The following PACC1 variants were observed in gnomAD, a reference collection of about 807,000 sequenced individuals.
PACC1 encodes proton-activated chloride channel.
A neutral mutation model predicts 39.7 loss-of-function variants in PACC1; 34 were observed. The ratio of observed to expected loss-of-function variants is 0.86; its 90% CI spans 0.65 to 1.14. PACC1 has a LOEUF of 1.14. Among genes scored for constraint, PACC1 ranks in the 50% most tolerant of loss-of-function variants. The pLI is 0.00. For synonymous variants in PACC1, 127 were observed against 160.6 expected, an observed-to-expected ratio of 0.79 and a Z score of 1.58; for missense variants, 379 against 436.4, an observed-to-expected ratio of 0.87 and a Z score of 1.17.
intron 1 of PACC1, among the ~76,000 whole-genome samples, chr1:212,412,943 A>G (rs1035783672): frequency 6.6e-6 from 1 of 152,236 alleles, no homozygotes. Flanking sequence ...TCTTTCAGAC[A>G]AAGAAACTGA....
intron 1 of PACC1, among the ~76,000 whole-genome samples, chr1:212,411,200 G>A (rs747265993): frequency 1.2e-4 from 19 of 152,330 alleles, no homozygotes; most frequent in Non-Finnish European, 1.5e-4. Flanking sequence ...GGAAAGATAT[G>A]GCAGGAGTAA....
chr1:212,385,662 G>A (rs1467027796), intron 3 of PACC1, among the ~76,000 whole-genome samples: 5 of 152,016 alleles, frequency 3.3e-5, no homozygotes, highest in East Asian at 1.9e-4. Context: ...GGATCCAGCC[G>A]CCCTGATGCC....
chr1:212,365,204 G>A lies in PACC1; in HGVS notation c.*11C>T, dbSNP rs370633643. On this transcript the variant is annotated 3_prime_UTR_variant, in exon 8 of 8. Coordinates refer to ENST00000261455, the MANE Select transcript of PACC1 (RefSeq NM_018252.3). Reference sequence around the variant, plus strand: ...TGATGTGGACAGTTCTCTAAACAACGCGAGGTGACTTCAGCTTATGTGGCT... The same window carrying A: ...TGATGTGGACAGTTCTCTAAACAACACGAGGTGACTTCAGCTTATGTGGCT... 63 of 1,611,506 alleles carry A rather than the reference G, an allele frequency of 3.9e-5. No individual in the cohort carries two copies. In the East Asian group the frequency reaches 8.7e-4, roughly 22 times the overall value.
intron 2 of PACC1, among the ~76,000 whole-genome samples, chr1:212,408,503 G>A (rs1159264253): frequency 6.6e-6 from 1 of 152,020 alleles, no homozygotes; most frequent in Non-Finnish European, 1.5e-5. Context: ...TGAGATTACA[G>A]GCATGTGCCA....
intron 2 of PACC1, among the ~76,000 whole-genome samples, chr1:212,397,051 G>C (rs1048169944): frequency 1.9e-4 from 29 of 152,100 alleles, no homozygotes; most frequent in Non-Finnish European, 2.9e-4. Context: ...TTCATCACTA[G>C]CAGACCTGCA....
intron 1 of PACC1, among the ~76,000 whole-genome samples, chr1:212,412,487 T>C (rs1486500107): frequency 6.6e-6 from 1 of 151,982 alleles, no homozygotes; most frequent in Non-Finnish European, 1.5e-5. Flanking sequence ...CAGAGCTAGG[T>C]ACACTCACAG....
chr1:212,406,106 A>G (rs970612618), intron 2 of PACC1, among the ~76,000 whole-genome samples: 1 of 36,376 alleles, frequency 2.7e-5, no homozygotes, highest in Non-Finnish European at 4.7e-5. Context: ...CCCACCCCAC[A>G]AAAAAAAAAA....
intron 2 of PACC1, among the ~76,000 whole-genome samples, chr1:212,393,075 A>G (rs915125942): frequency 9.9e-5 from 15 of 152,230 alleles, no homozygotes; most frequent in Non-Finnish European, 2.9e-5. Flanking sequence ...TCAGCTCTGC[A>G]CCAAGCAGAT....
chr1:212,407,129 G>C (rs1302899475), intron 2 of PACC1, among the ~76,000 whole-genome samples: 1 of 152,230 alleles, frequency 6.6e-6, no homozygotes, highest in African/African-American at 2.4e-5. Flanking sequence ...TTAAAGCAGG[G>C]AGATTATCCT....
chr1:212,368,716 A>AG (rs1660332977), intron 7 of PACC1, among the ~76,000 whole-genome samples: 1 of 152,126 alleles, frequency 6.6e-6, no homozygotes, highest in Admixed American at 6.5e-5. Flanking sequence ...TCTAGAAAAT[A>AG]GCCTCAAAAG....
intron 7 of PACC1, among the ~76,000 whole-genome samples, chr1:212,369,280 A>G (rs1194005007): frequency 6.6e-6 from 1 of 152,232 alleles, no homozygotes; most frequent in Non-Finnish European, 1.5e-5. Context: ...ATAATCATTT[A>G]TCCACAAAGA....
intron 2 of PACC1, among the ~76,000 whole-genome samples, chr1:212,390,978 G>A (rs1434123556): frequency 6.6e-6 from 1 of 151,466 alleles, no homozygotes; most frequent in African/African-American, 2.4e-5. Context: ...CGCAGCTCAA[G>A]GAGGCCTGCC....
intron 1 of PACC1, among the ~76,000 whole-genome samples, chr1:212,412,549 G>A (rs1662174364): frequency 6.6e-6 from 1 of 152,230 alleles, no homozygotes; most frequent in African/African-American, 2.4e-5. Flanking sequence ...CCCATTCTCT[G>A]AGGAAGTGAG....
chr1:212,388,002 C>T (rs1244718422), intron 2 of PACC1, among the ~76,000 whole-genome samples: 2 of 147,470 alleles, frequency 1.4e-5, no homozygotes, highest in Non-Finnish European at 3.0e-5. Context: ...TGCAGTGAGC[C>T]GAGATTACTC....
rs1660161863 is a variant in PACC1 at position 212,364,490 on chromosome 1, T to A, written c.*725A>T. On this transcript the variant is annotated 3_prime_UTR_variant, in exon 8 of 8. Coordinates refer to ENST00000261455, the MANE Select transcript of PACC1 (RefSeq NM_018252.3). ...TCACACTCGTTCCTTTTGTATTAAC[T>A]TTTATTTACCTGTTAATGAAATCAT... 6.6e-6 allele frequency: 1 copy of A among 152,646 alleles called. No homozygotes were observed. The highest frequency in any genetic ancestry group is 2.1e-4 in the South Asian group (1 of 4,832). The allele number at this position is 152,646 out of a possible 1,614,324, so 9.5% of individuals were successfully genotyped here. A position where few individuals can be genotyped will look rare whatever the true frequency, so the allele number is the denominator to read the frequency against.
At chr1:212,402,142 T>C (rs1056387303) in intron 2 of PACC1, among the ~76,000 whole-genome samples, 11 of 152,224 alleles carry the variant, frequency 7.2e-5, no homozygotes, top group African/African-American at 2.7e-4. Flanking sequence ...TAAGTTTTCA[T>C]GTGGACGTAA....
intron 2 of PACC1, among the ~76,000 whole-genome samples, chr1:212,409,722 T>G (rs539914594): frequency 6.6e-6 from 1 of 152,114 alleles, no homozygotes; most frequent in Non-Finnish European, 1.5e-5. Context: ...ACAGGATATA[T>G]AAATTTGCGG....
chr1:212,380,153 A>G, intron 4 of PACC1, 116 bp from the exon 5 acceptor site: 1 of 1,074,014 alleles, frequency 9.3e-7, no homozygotes, highest in Non-Finnish European at 1.3e-6. Context: ...TGGTCTCCAA[A>G]GGGACCACTA....
chr1:212,389,343 AC>A, intron 2 of PACC1, among the ~76,000 whole-genome samples: 1 of 152,344 alleles, frequency 6.6e-6, no homozygotes, highest in Non-Finnish European at 1.5e-5. Context: ...GCAAAAAGTA[AC>A]AACTGGAAAT....
Sources: gnomAD v4.1 joint callset for allele counts (sites outside exome capture counted in the v4.1 genomes callset) on GRCh38, gnomAD v4.1.1 for gene constraint, MANE v1.5 for transcripts, NCBI Gene and HGNC (gene_info 2026-07-23, HGNC 2026-07-21) for gene names.